The following SEMA3C variants were observed in gnomAD, a reference collection of about 807,000 sequenced individuals.
SEMA3C encodes the protein semaphorin 3C, also known as semaphorin-3C.
Under a neutral mutation model 89.4 loss-of-function variants are expected in SEMA3C, and 47 were observed. The observed-to-expected ratio is 0.53, with a 90% CI of 0.42 to 0.67. The LOEUF (loss-of-function observed/expected upper bound fraction) is 0.67. Ranked by LOEUF, SEMA3C falls within the 30% of genes least tolerant of loss-of-function variation. SEMA3C has a pLI of 0.00. For synonymous variants in SEMA3C, 310 were observed against 320.2 expected, an observed-to-expected ratio of 0.97 and a Z score of 0.34; for missense variants, 839 against 929.1, an observed-to-expected ratio of 0.90 and a Z score of 1.26.
intron 2 of SEMA3C, among the ~76,000 whole-genome samples, chr7:80,834,402 T>C (rs1790079196): frequency 6.6e-6 from 1 of 152,172 alleles, no homozygotes; most frequent in Admixed American, 6.5e-5. Context: ...TAACCAAAGC[T>C]GGAAGAACAA....
rs1014078061 is a variant in SEMA3C, at chr7:80,748,888, C to T, written c.1842+10G>A. 3.1e-6 allele frequency: 5 copies of T among 1,607,464 alleles called. No individual in the cohort carries two copies. Among genetic ancestry groups the T allele is most frequent in the Middle Eastern group, 1.7e-4 (1 of 5,998 alleles). On this transcript the variant is annotated intron_variant, in intron 17 of 17. Coordinates refer to ENST00000265361, the MANE Select transcript of SEMA3C (RefSeq NM_006379.5). ...GCCCTGATGGATTGCTGCTGTGCTGCTTTACTCACCTCTTTCCTCCTGTCT... is the reference window on the plus strand; with the variant it reads ...GCCCTGATGGATTGCTGCTGTGCTGTTTTACTCACCTCTTTCCTCCTGTCT...
chr7:80,778,425 G>A (rs759451547), intron 12 of SEMA3C, among the ~76,000 whole-genome samples: 1 of 152,130 alleles, frequency 6.6e-6, no homozygotes, highest in Non-Finnish European at 1.5e-5. Flanking sequence ...ACTGTTTGGG[G>A]AGAAGAATTA....
chr7:80,849,592 G>A (rs562596751), intron 2 of SEMA3C, among the ~76,000 whole-genome samples: 4 of 152,060 alleles, frequency 2.6e-5, no homozygotes, highest in Non-Finnish European at 5.9e-5. Context: ...TATAAGTGAG[G>A]GTACAGAGTA....
chr7:80,847,847 G>C (rs1471741791), intron 2 of SEMA3C, among the ~76,000 whole-genome samples: 1 of 152,130 alleles, frequency 6.6e-6, no homozygotes, highest in African/African-American at 2.4e-5. Flanking sequence ...TTTACTCTGA[G>C]GCAGATCATC....
intron 6 of SEMA3C, among the ~76,000 whole-genome samples, chr7:80,807,109 C>A (rs1283856862): frequency 6.6e-6 from 1 of 151,416 alleles, no homozygotes; most frequent in Non-Finnish European, 1.5e-5. Flanking sequence ...CTTTAAAATT[C>A]TAAGAACATT....
chr7:80,822,613 G>C (rs1789781164), intron 4 of SEMA3C, among the ~76,000 whole-genome samples: 1 of 152,108 alleles, frequency 6.6e-6, no homozygotes. Context: ...AAGTATGCAG[G>C]TCTCAGAGCC....
intron 12 of SEMA3C, among the ~76,000 whole-genome samples, chr7:80,769,245 T>C (rs921017055): frequency 6.6e-6 from 1 of 152,190 alleles, no homozygotes; most frequent in African/African-American, 2.4e-5. Flanking sequence ...TATTTTAAAA[T>C]ATACAATAAA....
rs544190479 is a variant in SEMA3C, at chr7:80,814,874, T to C, written c.447+3425A>G. On this transcript the variant is annotated intron_variant, in intron 5 of 17. Transcript: ENST00000265361. ...CATTGCTATCACCTGAGTACAACGA[T>C]CTCTTTTGTGGTCTTCTATGTCAAC... Among the ~76,000 whole-genome samples, 8 of 152,274 alleles carry C rather than the reference T, an allele frequency of 5.3e-5. No homozygotes were observed. The South Asian group carries it at 1.7e-3, about 32-fold the overall frequency.
chr7:80,784,640 T>C (rs565421232), intron 12 of SEMA3C, among the ~76,000 whole-genome samples: 99 of 152,184 alleles, frequency 6.5e-4, no homozygotes, highest in Non-Finnish European at 1.2e-3. Flanking sequence ...AAAATATATA[T>C]ATTTCTGGCT....
chr7:80,827,820 T>TTA (rs1789912013), intron 3 of SEMA3C, among the ~76,000 whole-genome samples: 1 of 151,984 alleles, frequency 6.6e-6, no homozygotes, highest in South Asian at 2.1e-4. Flanking sequence ...TCCCAACTGC[T>TTA]TATATGACAA....
intron 4 of SEMA3C, among the ~76,000 whole-genome samples, chr7:80,824,945 AT>A (rs1260991708): frequency 6.6e-6 from 1 of 152,168 alleles, no homozygotes; most frequent in African/African-American, 2.4e-5. Flanking sequence ...TATCTAGCAC[AT>A]TGTAAAGACT....
intron 6 of SEMA3C, among the ~76,000 whole-genome samples, chr7:80,806,704 G>C (rs1047526829): frequency 2.6e-5 from 4 of 152,006 alleles, no homozygotes; most frequent in Admixed American, 2.6e-4. Context: ...TAAAACAGTA[G>C]CTAAATATCT....
intron 2 of SEMA3C, among the ~76,000 whole-genome samples, chr7:80,852,677 A>ATTTTT (rs751469979): frequency 1.6e-3 from 218 of 137,964 alleles, no homozygotes; most frequent in African/African-American, 5.4e-3. Context: ...CTGAATAGAC[A>ATTTTT]TTTTTTTTTT....
At chr7:80,757,611 A>G (rs1490925484) in intron 15 of SEMA3C, among the ~76,000 whole-genome samples, 5 of 152,252 alleles carry the variant, frequency 3.3e-5, no homozygotes, top group Admixed American at 6.5e-5. Context: ...CCTTGTTTAC[A>G]AGATAATTAA....
intron 7 of SEMA3C, 47 bp from the exon 8 acceptor site, chr7:80,804,295 C>T: frequency 7.3e-7 from 1 of 1,365,040 alleles, no homozygotes; most frequent in Non-Finnish European, 9.8e-7. Flanking sequence ...TATGAAAATC[C>T]ATCTTCTGTC....
chr7:80,754,957 G>GGTTTTTTTTTGTTTTTT (rs1788025146), intron 15 of SEMA3C, among the ~76,000 whole-genome samples: 1 of 108,368 alleles, frequency 9.2e-6, no homozygotes, highest in Non-Finnish European at 1.9e-5. Context: ...GTTTTTTTTT[G>GGTTTTTTTTTGTTTTTT]TTTTTTTTTT....
intron 2 of SEMA3C, among the ~76,000 whole-genome samples, chr7:80,903,740 A>G (rs1445999905): frequency 6.6e-6 from 1 of 152,234 alleles, no homozygotes; most frequent in African/African-American, 2.4e-5. Flanking sequence ...TATGCAGTAC[A>G]TTAGTGTGTT....
At chr7:80,875,013 G>A (rs553891585) in intron 2 of SEMA3C, among the ~76,000 whole-genome samples, 24 of 151,966 alleles carry the variant, frequency 1.6e-4, no homozygotes, top group Non-Finnish European at 2.8e-4. Flanking sequence ...GAACTTGGGA[G>A]GCGGAGCTTG....
intron 12 of SEMA3C, among the ~76,000 whole-genome samples, chr7:80,784,468 T>C (rs562951687): frequency 2.6e-4 from 40 of 152,082 alleles, no homozygotes; most frequent in African/African-American, 9.4e-4. Context: ...GCATTTTTTT[T>C]TACTCAAGAT....
Sources: gnomAD v4.1 joint callset for allele counts (sites outside exome capture counted in the v4.1 genomes callset) on GRCh38, gnomAD v4.1.1 for gene constraint, MANE v1.5 for transcripts, NCBI Gene and HGNC (gene_info 2026-07-23, HGNC 2026-07-21) for gene names.